Variants in RNLS observed in about 807,000 individuals in gnomAD.
RNLS encodes the protein renalase.
A neutral mutation model predicts 39.8 loss-of-function variants in RNLS; 39 were observed. That is an observed-to-expected ratio of 0.98 (90% CI 0.76 to 1.28). The LOEUF is 1.28. Ranked by LOEUF, RNLS falls within the 50% of genes most tolerant of loss-of-function variation. The pLI is 0.00. For synonymous variants in RNLS, 147 were observed against 150.7 expected (o/e 0.98, Z 0.18); for missense variants, 410 against 413.3 (o/e 0.99, Z 0.07).
chr10:88,217,917 G>A, the RNLS span, among the ~76,000 whole-genome samples: 1 of 152,116 alleles, frequency 6.6e-6, no homozygotes. Context: ...GCAGGCACCT[G>A]TAATCCCAGC....
the RNLS span, among the ~76,000 whole-genome samples, chr10:88,174,138 GT>G: frequency 6.6e-6 from 1 of 151,956 alleles, no homozygotes; most frequent in African/African-American, 2.4e-5. Flanking sequence ...GTTTTAAAAG[GT>G]TTTTTGGTGG....
chr10:88,488,725 A>C (rs1844713443), intron 4 of RNLS, among the ~76,000 whole-genome samples: 1 of 152,188 alleles, frequency 6.6e-6, no homozygotes, highest in African/African-American at 2.4e-5. Context: ...GCCAGAAGCC[A>C]AATTTTCCGT....
intron 4 of RNLS, among the ~76,000 whole-genome samples, chr10:88,428,794 C>T (rs1854968511): frequency 6.6e-6 from 1 of 151,918 alleles, no homozygotes; most frequent in African/African-American, 2.4e-5. Flanking sequence ...AGAGGTTACA[C>T]CATGGGCATT....
intron 4 of RNLS, among the ~76,000 whole-genome samples, chr10:88,543,362 C>T (rs1848142219): frequency 6.6e-6 from 1 of 152,076 alleles, no homozygotes; most frequent in African/African-American, 2.4e-5. Context: ...CAACCAAACA[C>T]CAACATACAA....
At chr10:88,445,235 G>A (rs1263443163) in intron 4 of RNLS, among the ~76,000 whole-genome samples, 2 of 152,116 alleles carry the variant, frequency 1.3e-5, no homozygotes, top group African/African-American at 4.8e-5. Context: ...ATAAGTGAAG[G>A]AGAATTAAAA....
At chr10:88,404,612 G>A (rs544195408) in intron 4 of RNLS, among the ~76,000 whole-genome samples, 3 of 152,072 alleles carry the variant, frequency 2.0e-5, no homozygotes, top group South Asian at 2.1e-4. Flanking sequence ...TAAGTTTGAC[G>A]GGAAAGCTCT....
At chr10:88,173,301 T>C in the RNLS span, among the ~76,000 whole-genome samples, 1 of 152,354 alleles carries the variant, frequency 6.6e-6, no homozygotes, top group Non-Finnish European at 1.5e-5. Context: ...TGTGAATGCA[T>C]TGACTTATTT....
intron 4 of RNLS, among the ~76,000 whole-genome samples, chr10:88,481,818 T>C (rs2576179): frequency 0.48 from 72,534 of 151,924 alleles, 18,031 homozygotes; most frequent in East Asian, 0.57. Context: ...GAGTTATCTT[T>C]TGGTGTCACT....
intron 4 of RNLS, among the ~76,000 whole-genome samples, chr10:88,501,227 A>G (rs911569533): frequency 6.6e-6 from 1 of 152,146 alleles, no homozygotes; most frequent in African/African-American, 2.4e-5. Flanking sequence ...GGATATATAC[A>G]TGATCAATAA....
At chr10:88,201,206 C>T in the RNLS span, among the ~76,000 whole-genome samples, 3 of 152,180 alleles carry the variant, frequency 2.0e-5, no homozygotes, top group Admixed American at 6.5e-5. Flanking sequence ...TAATTATGTT[C>T]GAAGATAATT....
rs569741066 is a variant in RNLS, at chr10:88,454,619, C to G, written c.527-91894G>C. Among the ~76,000 whole-genome samples the G allele has an allele frequency of 3.3e-5, 5 of 152,296 alleles. No homozygotes were observed. In the East Asian group the frequency reaches 5.8e-4, roughly 18 times the overall value. On this transcript the variant is annotated intron_variant, in intron 4 of 6. Transcript: ENST00000331772. ...CAACTCCTTACTGAAAGTTATAAAG[C>G]CTAACCAACAATTACCCAGAGCTCA...
chr10:88,268,644 A>G, the RNLS span, among the ~76,000 whole-genome samples: 2 of 152,208 alleles, frequency 1.3e-5, no homozygotes, highest in African/African-American at 4.8e-5. Context: ...ATCAGGTCTC[A>G]GTTTATCTCC....
At chr10:88,375,185 CACA>C (rs1178707703) in intron 4 of RNLS, among the ~76,000 whole-genome samples, 4 of 151,926 alleles carry the variant, frequency 2.6e-5, no homozygotes, top group Non-Finnish European at 4.4e-5. Flanking sequence ...CAACTTCTAC[CACA>C]ACAACAGAAC....
chr10:88,451,876 C>G (rs1164096273), intron 4 of RNLS, among the ~76,000 whole-genome samples: 1 of 152,194 alleles, frequency 6.6e-6, no homozygotes, highest in African/African-American at 2.4e-5. Flanking sequence ...TAGGTTGACA[C>G]CATGGCAACT....
chr10:88,270,622 C>T (rs1312277140), downstream of RNLS, among the ~76,000 whole-genome samples: 2 of 152,196 alleles, frequency 1.3e-5, no homozygotes, highest in Non-Finnish European at 2.9e-5. Context: ...TAGCTCAATA[C>T]TTGTCCAATA....
chr10:88,403,173 GA>G (rs1411859450), intron 4 of RNLS, among the ~76,000 whole-genome samples: 1 of 151,258 alleles, frequency 6.6e-6, no homozygotes, highest in Non-Finnish European at 1.5e-5. Context: ...GGAAAAATGA[GA>G]AAAAAAACCT....
At position 88,285,479 on chromosome 10, in the gene RNLS, C is replaced by T. The variant is rs1281527721; in HGVS notation, c.904G>A (p.Gly302Ser). 6.2e-7 allele frequency: 1 copy of T among 1,612,842 alleles called. No homozygotes were observed. Among genetic ancestry groups the T allele is most frequent in the Non-Finnish European group, 8.5e-7 (1 of 1,179,320 alleles). Reference protein sequence around the residue: ...QVTNAAANCPGQMTLHHKPFL... With the variant: ...QVTNAAANCPSQMTLHHKPFL... Reference sequence around the variant, plus strand: ...GGTTTGTGATGCAGAGTCATTTGGCCAGGACAGTTGGCAGCAGCATTTGTA... The same window carrying T: ...GGTTTGTGATGCAGAGTCATTTGGCTAGGACAGTTGGCAGCAGCATTTGTA... The change falls in exon 7 of 7, where the codon GGC becomes AGC. Residue 302 changes from glycine (G) to serine (S), a missense_variant. Coordinates refer to ENST00000331772, the MANE Select transcript of RNLS (RefSeq NM_001031709.3).
At chr10:88,277,357 T>C (rs890066638) in intron 6 of RNLS, among the ~76,000 whole-genome samples, 4 of 152,038 alleles carry the variant, frequency 2.6e-5, no homozygotes, top group Non-Finnish European at 1.5e-5. Flanking sequence ...AGGGATAGCA[T>C]TGGGAGAAAT....
At chr10:88,433,336 T>C (rs1234673304) in intron 4 of RNLS, among the ~76,000 whole-genome samples, 2 of 152,030 alleles carry the variant, frequency 1.3e-5, no homozygotes, top group African/African-American at 4.8e-5. Context: ...GGCAGTGTGG[T>C]ATAACCATGA....
Sources: gnomAD v4.1 joint callset for allele counts (sites outside exome capture counted in the v4.1 genomes callset) on GRCh38, gnomAD v4.1.1 for gene constraint, MANE v1.5 for transcripts, NCBI Gene and HGNC (gene_info 2026-07-23, HGNC 2026-07-21) for gene names.